The following PCDHA4 variants were observed in gnomAD, a reference collection of about 807,000 sequenced individuals.
PCDHA4 encodes the protein protocadherin alpha 4.
A neutral mutation model predicts 61.4 loss-of-function variants in PCDHA4; 49 were observed. The observed-to-expected ratio is 0.80, with a 90% CI of 0.63 to 1.01. The LOEUF (loss-of-function observed/expected upper bound fraction) is 1.01. PCDHA4 is among the 50% of genes least tolerant of loss of function. The pLI, the probability that PCDHA4 is intolerant of heterozygous loss-of-function variation, is 0.00. For synonymous variants in PCDHA4, 590 were observed against 550.3 expected (o/e 1.07, Z -1.01); for missense variants, 1,254 against 1,235.8 (o/e 1.01, Z -0.22).
chr5:140,899,674 T>A (rs2067476984), intron 1 of PCDHA4, among the ~76,000 whole-genome samples: 1 of 152,220 alleles, frequency 6.6e-6, no homozygotes, highest in African/African-American at 2.4e-5. Flanking sequence ...GGCTTTGGTA[T>A]CAGGATGATG....
Position 140,843,193 on chromosome 5 carries a change from G to A in PCDHA4, c.2385+33621G>A, listed in dbSNP as rs2150355040. The A allele has an allele frequency of 5.0e-6, 8 of 1,595,932 alleles. 1 individual carries two copies. The highest frequency in any genetic ancestry group is 6.9e-6 in the Non-Finnish European group (8 of 1,165,582). On this transcript the variant is annotated intron_variant, in intron 1 of 3. Transcript: ENST00000530339. ...GCAGCCCTCGCATCCCGTTCCGCGTGGGGCTGTACACGGGCGAGATCAGCA... is the reference window on the plus strand; with the variant it reads ...GCAGCCCTCGCATCCCGTTCCGCGTAGGGCTGTACACGGGCGAGATCAGCA...
At chr5:140,973,862 A>G (rs1438238778) in intron 1 of PCDHA4, among the ~76,000 whole-genome samples, 2 of 152,196 alleles carry the variant, frequency 1.3e-5, no homozygotes, top group Non-Finnish European at 2.9e-5. Flanking sequence ...TTTGCTCTCA[A>G]TGAGAGGTCA....
At chr5:140,884,607 T>C (rs1554181780) in intron 1 of PCDHA4, 1 of 1,614,044 alleles carries the variant, frequency 6.2e-7, no homozygotes, top group Non-Finnish European at 8.5e-7. Flanking sequence ...CCTCCTTGTC[T>C]GGGTTCTGCA....
At chr5:140,928,471 G>T in intron 1 of PCDHA4, 1 of 1,614,148 alleles carries the variant, frequency 6.2e-7, no homozygotes, top group Non-Finnish European at 8.5e-7. Context: ...CCAAGTAGAA[G>T]GCCGGGATGG....
chr5:140,832,598 C>T (rs2150202655), intron 1 of PCDHA4, among the ~76,000 whole-genome samples: 1 of 152,134 alleles, frequency 6.6e-6, no homozygotes, highest in African/African-American at 2.4e-5. Flanking sequence ...AGAACTATAG[C>T]GTTGCTAGTG....
intron 1 of PCDHA4, chr5:140,882,756 G>T: frequency 6.2e-7 from 1 of 1,614,238 alleles, no homozygotes; most frequent in Non-Finnish European, 8.5e-7. Flanking sequence ...GCAGATATTG[G>T]AGTAAACTCG....
At chr5:140,929,038 C>T in intron 1 of PCDHA4, 2 of 1,614,158 alleles carry the variant, frequency 1.2e-6, no homozygotes, top group South Asian at 1.1e-5. Context: ...CTGTTGCGCT[C>T]AGAGCTGCTG....
At chr5:140,870,299 C>T (rs62622798) in intron 1 of PCDHA4, 44,120 of 1,614,102 alleles carry the variant, frequency 0.027, 770 homozygotes, top group Admixed American at 0.064. Flanking sequence ...CTGGTGTCCA[C>T]CTTCAAGAAT....
At chr5:140,931,507 T>C (rs564431042) in intron 1 of PCDHA4, among the ~76,000 whole-genome samples, 1 of 152,016 alleles carries the variant, frequency 6.6e-6, no homozygotes, top group African/African-American at 2.4e-5. Flanking sequence ...TTTAAACATA[T>C]ATGAATGATT....
In PCDHA4 at chr5:140,876,831, T is replaced by G. The variant is rs201991889; in HGVS notation, c.2385+67259T>G. Reference sequence around the variant, plus strand: ...TGGCCGACGTGAACGACAATGCGCCTGCGTTCGCGCAGCCCGAGTACACAG... The same window carrying G: ...TGGCCGACGTGAACGACAATGCGCCGGCGTTCGCGCAGCCCGAGTACACAG... On this transcript the variant is annotated intron_variant, in intron 1 of 3. Coordinates refer to ENST00000530339, the MANE Select transcript of PCDHA4 (RefSeq NM_018907.4). 1.5e-4 allele frequency: 250 copies of G among 1,614,080 alleles called. 4 individuals are homozygous for G. In the East Asian group the frequency reaches 3.4e-3, roughly 22 times the overall value.
At chr5:140,910,387 T>C (rs540534807) in intron 1 of PCDHA4, among the ~76,000 whole-genome samples, 1 of 152,158 alleles carries the variant, frequency 6.6e-6, no homozygotes, top group Admixed American at 6.6e-5. Context: ...CCTTTGACAG[T>C]TGACTGGCCC....
chr5:140,967,601 C>A lies in PCDHA4; in HGVS notation c.2386-11348C>A, dbSNP rs782574259. The A allele has an allele frequency of 9.3e-6, 15 of 1,614,144 alleles. No individual in the cohort carries two copies. The highest frequency in any genetic ancestry group is 1.3e-5 in the Non-Finnish European group (15 of 1,180,034). ...ACCCCCAGGCACATTGGTGGTGAAGCTGAATGCCTCAGACCCGGATGAGGG... is the reference window on the plus strand; with the variant it reads ...ACCCCCAGGCACATTGGTGGTGAAGATGAATGCCTCAGACCCGGATGAGGG... On this transcript the variant is annotated intron_variant, in intron 1 of 3. Transcript: ENST00000530339.
In PCDHA4 at chr5:140,917,150, G is replaced by A. The variant is rs535773024; in HGVS notation, c.2386-61799G>A. Among the ~76,000 whole-genome samples the A allele has an allele frequency of 2.0e-5, 3 of 152,324 alleles. No individual in the cohort carries two copies. In the South Asian group the frequency reaches 6.2e-4, roughly 32 times the overall value. On this transcript the variant is annotated intron_variant, in intron 1 of 3. Transcript: ENST00000530339. ...CCCCACGTTGCTCAGCTGCTGCTGG[G>A]GGATATGGGAGGGGTGATGGTGGTG...
chr5:140,884,504 G>A (rs782001863), intron 1 of PCDHA4: 5 of 1,614,180 alleles, frequency 3.1e-6, no homozygotes, highest in Admixed American at 3.3e-5. Flanking sequence ...CAGCGCGGCA[G>A]GGAGTTGGTC....
chr5:140,836,564 C>T (rs1774574091), intron 1 of PCDHA4: 5 of 1,613,738 alleles, frequency 3.1e-6, no homozygotes, highest in Non-Finnish European at 4.2e-6. Context: ...CAGCGCCGTC[C>T]TCTGAGGGCG....
intron 1 of PCDHA4, chr5:140,858,337 C>G (rs782748390): frequency 6.3e-7 from 1 of 1,595,568 alleles, no homozygotes; most frequent in Admixed American, 1.7e-5. Context: ...AGGGCCTGCC[C>G]AAGGCGGACC....
At chr5:140,834,895 G>A (rs1773362050) in intron 1 of PCDHA4, 1 of 1,603,034 alleles carries the variant, frequency 6.2e-7, no homozygotes, top group African/African-American at 1.4e-5. Flanking sequence ...CTCACTTACA[G>A]ACTGAGCCCC....
chr5:140,926,726 C>T, intron 1 of PCDHA4: 1 of 1,046,502 alleles, frequency 9.6e-7, no homozygotes, highest in Non-Finnish European at 1.3e-6. Flanking sequence ...GCAATGCCGG[C>T]GTTCGGGAGG....
intron 3 of PCDHA4, among the ~76,000 whole-genome samples, chr5:140,991,251 A>G (rs2097441392): frequency 6.6e-6 from 1 of 152,306 alleles, no homozygotes; most frequent in South Asian, 2.1e-4. Context: ...GCAGTATTTG[A>G]ACTCATGTCT....
Sources: allele counts gnomAD v4.1 joint callset (sites outside exome capture counted in the v4.1 genomes callset), GRCh38; gene constraint gnomAD v4.1.1; transcripts MANE v1.5; gene names NCBI Gene and HGNC (gene_info 2026-07-23, HGNC 2026-07-21).